The following STK32C variants were observed in gnomAD, a reference collection of about 807,000 sequenced individuals.
The protein encoded by STK32C is serine/threonine-protein kinase 32C.
In STK32C, 31 loss-of-function variants were observed where a neutral mutation model predicts 56.5. That is an observed-to-expected ratio of 0.55 (90% confidence interval 0.41 to 0.74). The LOEUF is 0.74. Ranked by LOEUF, STK32C falls within the 30% of genes least tolerant of loss-of-function variation. STK32C has a pLI of 0.00. For synonymous variants in STK32C, 309 were observed against 289.4 expected (o/e 1.07, Z -0.69); for missense variants, 544 against 676.9 (o/e 0.80, Z 2.18).
At chr10:132,217,502 G>T in intron 10 of STK32C, among the ~76,000 whole-genome samples, 1 of 152,206 alleles carries the variant, frequency 6.6e-6, no homozygotes, top group East Asian at 1.9e-4. Flanking sequence ...GGACTGTTGG[G>T]AAGGCATGAT....
At chr10:132,289,705 T>C (rs1430725128) in intron 1 of STK32C, among the ~76,000 whole-genome samples, 1 of 152,138 alleles carries the variant, frequency 6.6e-6, no homozygotes, top group Non-Finnish European at 1.5e-5. Flanking sequence ...TCTCACAGGG[T>C]AGAAAGGTGG....
At chr10:132,330,579 C>G in intron 1 of STK32C, 1 of 707,568 alleles carries the variant, frequency 1.4e-6, no homozygotes, top group Non-Finnish European at 2.6e-6. Flanking sequence ...ACAATCATAA[C>G]TCACTGCAGC....
At chr10:132,257,723 TC>T (rs1442790778) in intron 1 of STK32C, among the ~76,000 whole-genome samples, 1 of 91,590 alleles carries the variant, frequency 1.1e-5, no homozygotes. Flanking sequence ...CCCACAATCC[TC>T]CCCCCAACCC....
intron 4 of STK32C, 37 bp downstream of exon 4, chr10:132,226,758 C>T (rs549251449): frequency 2.5e-6 from 4 of 1,601,094 alleles, no homozygotes; most frequent in Non-Finnish European, 3.4e-6. Context: ...GCCCCGCCCA[C>T]CTCAGCAGGT....
intron 1 of STK32C, among the ~76,000 whole-genome samples, chr10:132,265,689 A>G (rs11146287): frequency 0.4 from 61,351 of 152,180 alleles, 13,625 homozygotes; most frequent in African/African-American, 0.58. Flanking sequence ...GGCAAGCAGC[A>G]CATTAAAGAT....
At chr10:132,300,451 G>A (rs1277167323) in intron 1 of STK32C, among the ~76,000 whole-genome samples, 1 of 152,218 alleles carries the variant, frequency 6.6e-6, no homozygotes, top group Non-Finnish European at 1.5e-5. Flanking sequence ...AGCCAGGCCA[G>A]GGCAAGCACC....
At chr10:132,241,850 T>C (rs770897096) in intron 2 of STK32C, among the ~76,000 whole-genome samples, 1 of 152,128 alleles carries the variant, frequency 6.6e-6, no homozygotes, top group Non-Finnish European at 1.5e-5. Context: ...CTCACAGCTG[T>C]AATCCCAGGA....
chr10:132,242,869 G>T (rs923785717), intron 2 of STK32C, among the ~76,000 whole-genome samples: 1 of 152,296 alleles, frequency 6.6e-6, no homozygotes, highest in South Asian at 2.1e-4. Context: ...TCCATGGCAC[G>T]TTTGGTTTGG....
At chr10:132,309,109 T>G (rs987703433), upstream of STK32C, among the ~76,000 whole-genome samples, 2 of 152,148 alleles carry the variant, frequency 1.3e-5, no homozygotes, top group Non-Finnish European at 2.9e-5. Flanking sequence ...GGCCAGTGTC[T>G]CCCGCTCCCG....
downstream of STK32C, among the ~76,000 whole-genome samples, chr10:132,323,511 G>C (rs2066446996): frequency 6.6e-6 from 1 of 152,210 alleles, no homozygotes. The surrounding 1 kb of genome is among the most constrained non-coding windows in gnomAD (Gnocchi z 4.8). Context: ...GAGATGTGCT[G>C]ATCTAATTGT....
intron 1 of STK32C, among the ~76,000 whole-genome samples, chr10:132,284,289 T>TG (rs1169142822): frequency 4.4e-5 from 3 of 68,610 alleles, no homozygotes; most frequent in African/African-American, 6.4e-5. Context: ...CAGGTGAGGT[T>TG]GGGGGGGGCA....
At chr10:132,246,548 C>G (rs1459901579) in intron 1 of STK32C, among the ~76,000 whole-genome samples, 1 of 152,180 alleles carries the variant, frequency 6.6e-6, no homozygotes, top group Non-Finnish European at 1.5e-5. Flanking sequence ...CCTGGGAGAG[C>G]CTGCGCCCAG....
At chr10:132,322,537 T>C (rs1249189274), downstream of STK32C, among the ~76,000 whole-genome samples, 1 of 152,236 alleles carries the variant, frequency 6.6e-6, no homozygotes, top group Non-Finnish European at 1.5e-5. Context: ...CCTAAGGATG[T>C]GTATAAACTC....
chr10:132,223,094 G>A, intron 8 of STK32C, 108 bp from the exon 9 acceptor site: 2 of 1,391,554 alleles, frequency 1.4e-6, no homozygotes, highest in South Asian at 1.4e-5. Context: ...CCAAGCCTGA[G>A]GTTCAGAATT....
chr10:132,300,239 T>C (rs1360149484), intron 1 of STK32C, among the ~76,000 whole-genome samples: 3 of 152,270 alleles, frequency 2.0e-5, no homozygotes, highest in Non-Finnish European at 2.9e-5. Flanking sequence ...GCTCGGTTCC[T>C]ATTTTTAATA....
downstream of STK32C, among the ~76,000 whole-genome samples, chr10:132,322,305 T>C (rs559016695): frequency 1.1e-4 from 16 of 152,242 alleles, no homozygotes; most frequent in Non-Finnish European, 2.2e-4. Flanking sequence ...ATACTATCTT[T>C]ATCGGATTAT....
chr10:132,308,364 G>A (rs952863782), upstream of STK32C, among the ~76,000 whole-genome samples: 2 of 152,272 alleles, frequency 1.3e-5, no homozygotes, highest in African/African-American at 4.8e-5. Context: ...GCGGTCTCCG[G>A]GGGCCTCCCT....
chr10:132,324,636 T>G (rs2066463339), intron 1 of STK32C, among the ~76,000 whole-genome samples: 2 of 152,244 alleles, frequency 1.3e-5, no homozygotes, highest in East Asian at 1.9e-4. Flanking sequence ...AAAAAAAGAC[T>G]GCCTTTCTTT....
rs1043444595 is a variant in STK32C, at chr10:132,209,767, CGTT to C, written c.1252-669_1252-667del. On this transcript the variant is annotated intron_variant, in intron 10 of 11. Transcript: ENST00000298630. ...TGGTGACCGTGAACTTGGATGGTGA[CGTT>C]GGTCACTACCAACGCGTGAGCAAAT... is the stretch of plus-strand genomic sequence containing the variant. Among the ~76,000 whole-genome samples, 108 of 152,278 alleles carry C rather than the reference CGTT, an allele frequency of 7.1e-4. No homozygotes were observed. In the Middle Eastern group the frequency reaches 0.01, roughly 14 times the overall value.
Sources: gnomAD v4.1 joint callset for allele counts (sites outside exome capture counted in the v4.1 genomes callset) on GRCh38, gnomAD v4.1.1 for gene constraint, Gnocchi (gnomAD v3.1) non-coding constraint, MANE v1.5 for transcripts, NCBI Gene and HGNC (gene_info 2026-07-23, HGNC 2026-07-21) for gene names.